MYOM1: variants seen among roughly 807,000 people sequenced by gnomAD.
MYOM1 encodes the protein myomesin 1.
MYOM1 carries 164 observed loss-of-function variants against 205.3 expected under a neutral mutation model. The observed-to-expected ratio is 0.80, with a 90% CI of 0.70 to 0.91. The LOEUF is 0.91. Among genes scored for constraint, MYOM1 ranks in the 40% least tolerant of loss-of-function variants. The pLI is 0.00. For missense variants in MYOM1, 2,011 were observed against 2,127.3 expected (o/e 0.95, Z 1.08); for synonymous variants, 772 against 789.4 (o/e 0.98, Z 0.37).
At chr18:3,122,961 C>G (rs774705887) in intron 19 of MYOM1, among the ~76,000 whole-genome samples, 1 of 152,076 alleles carries the variant, frequency 6.6e-6, no homozygotes, top group African/African-American at 2.4e-5. Flanking sequence ...AGATAACTAT[C>G]AAGCCTAGAA....
At chr18:3,215,957 G>A (rs768215350) in intron 1 of MYOM1, among the ~76,000 whole-genome samples, 1 of 152,232 alleles carries the variant, frequency 6.6e-6, no homozygotes, top group Admixed American at 6.5e-5. Flanking sequence ...TGTGCCTGAC[G>A]CCATCCAGCC....
At chr18:3,124,085 C>T (rs1442236836) in intron 19 of MYOM1, among the ~76,000 whole-genome samples, 1 of 151,428 alleles carries the variant, frequency 6.6e-6, no homozygotes, top group African/African-American at 2.4e-5. Context: ...GATCCCCCCA[C>T]CTCGGCCTCC....
chr18:3,139,889 A>G (rs937438953), intron 14 of MYOM1, among the ~76,000 whole-genome samples: 6 of 152,194 alleles, frequency 3.9e-5, no homozygotes, highest in Admixed American at 2.0e-4. Flanking sequence ...TGACCAGAGG[A>G]AAAGTTCAAC....
chr18:3,085,628 A>G lies in MYOM1; in HGVS notation c.4251+410T>C, dbSNP rs553433314. On this transcript the variant is annotated intron_variant, in intron 30 of 37. Transcript: ENST00000356443. Reference sequence around the variant, plus strand: ...CTTACTTTTTACTCTGCCTTCATTTATTAAAAACTAGTGATCACTAGTTTT... The same window carrying G: ...CTTACTTTTTACTCTGCCTTCATTTGTTAAAAACTAGTGATCACTAGTTTT... Among the ~76,000 whole-genome samples the G allele has an allele frequency of 2.6e-5, 4 of 152,256 alleles. No homozygotes were observed. In the South Asian group the frequency reaches 6.2e-4, roughly 24 times the overall value.
Position 3,188,729 on chromosome 18 carries a change from T to C in MYOM1, c.771+19A>G. On this transcript the variant is annotated intron_variant, in intron 4 of 37. Transcript: ENST00000356443. ...TGCATTTCCACCTTTGTAAGTTACT[T>C]TAAACTGTCTTTTCTTACTGTTTTC... 6.5e-7 allele frequency: 1 copy of C among 1,532,822 alleles called. No individual in the cohort carries two copies. Among genetic ancestry groups the C allele is most frequent in the Non-Finnish European group, 8.8e-7 (1 of 1,137,612 alleles). 95.0% of individuals were successfully genotyped at this position (1,532,822 alleles called of 1,614,324 possible). A position where few individuals can be genotyped will look rare whatever the true frequency, so the allele number is the denominator to read the frequency against.
At chr18:3,101,662 C>T (rs1033140401) in intron 23 of MYOM1, among the ~76,000 whole-genome samples, 1 of 152,120 alleles carries the variant, frequency 6.6e-6, no homozygotes, top group African/African-American at 2.4e-5. Flanking sequence ...ATAACTTGAA[C>T]CAGCGAGTTC....
At chr18:3,115,686 C>G (rs998943951) in intron 21 of MYOM1, among the ~76,000 whole-genome samples, 1 of 152,182 alleles carries the variant, frequency 6.6e-6, no homozygotes, top group African/African-American at 2.4e-5. Context: ...GGAAAATATT[C>G]TTTCGAAATT....
chr18:3,138,510 G>C (rs1032088868), intron 14 of MYOM1, among the ~76,000 whole-genome samples: 2 of 152,126 alleles, frequency 1.3e-5, no homozygotes, highest in African/African-American at 4.8e-5. Context: ...GAGCAAATTT[G>C]ACAAGGTAAC....
At chr18:3,075,583 T>C (rs778202982) in intron 35 of MYOM1, 107 bp from the exon 36 acceptor site, 5 of 1,441,820 alleles carry the variant, frequency 3.5e-6, no homozygotes. Flanking sequence ...ATTTTGCTGT[T>C]CAATATAACA....
chr18:3,067,827 G>A (rs762810934), intron 37 of MYOM1, among the ~76,000 whole-genome samples: 1 of 152,114 alleles, frequency 6.6e-6, no homozygotes, highest in South Asian at 2.1e-4. Context: ...ACACACGAAA[G>A]AGTTTATGTC....
At chr18:3,107,427 A>G (rs531048081) in intron 22 of MYOM1, among the ~76,000 whole-genome samples, 1 of 152,292 alleles carries the variant, frequency 6.6e-6, no homozygotes, top group South Asian at 2.1e-4. Flanking sequence ...AGGTTTAAAA[A>G]TTAAAACTGG....
At position 3,141,994 on chromosome 18, in the gene MYOM1, C is replaced by A; in HGVS notation, c.1970G>T (p.Ser657Ile). ...ACCACGCTGGCCAGGGGGCTTCCAGCTGAGCACCACATAGCTCCGGGTGGC... is the reference window on the plus strand; with the variant it reads ...ACCACGCTGGCCAGGGGGCTTCCAGATGAGCACCACATAGCTCCGGGTGGC... The part of the protein sequence containing the change: ...TEATRSYVVL[S>I]WKPPGQRGHE... Residue 657 changes from serine (S) to isoleucine (I), a missense_variant, in exon 14 of 38, where the codon AGC (serine) becomes ATC (isoleucine). Physicochemically the swap from Ser to Ile is moderately radical, Grantham distance 142. Transcript: ENST00000356443. 6.2e-7 allele frequency: 1 copy of A among 1,613,812 alleles called. No individual in the cohort carries two copies. The highest frequency in any genetic ancestry group is 8.5e-7 in the Non-Finnish European group (1 of 1,179,818).
rs1215807523 is a variant in MYOM1, at chr18:3,188,802, C to T, written c.717G>A (p.Lys239=). The part of the protein sequence containing the change: ...ALQQEETSEK[K]SRKVVIREKA... Reference sequence around the variant, plus strand: ...TTTCTCGAATCACAACTTTCCTTGACTTCTTTTCAGAAGTTTCTTCCTGTT... The same window carrying T: ...TTTCTCGAATCACAACTTTCCTTGATTTCTTTTCAGAAGTTTCTTCCTGTT... The change falls in exon 4 of 38, where the codon AAG becomes AAA. Residue 239 remains lysine (K), a synonymous_variant. Transcript: ENST00000356443. 3 of 1,607,874 alleles carry T rather than the reference C, an allele frequency of 1.9e-6. No homozygotes were observed. The African/African-American group carries it at 4.0e-5, about 22-fold the overall frequency.
intron 6 of MYOM1, among the ~76,000 whole-genome samples, chr18:3,175,820 C>T (rs756360059): frequency 6.6e-6 from 1 of 151,974 alleles, no homozygotes; most frequent in South Asian, 2.1e-4. Context: ...CATCTTTGAC[C>T]GAATCCAAAT....
rs748115403 is a variant in MYOM1, at chr18:3,209,507, A to G, written c.290+5427T>C. ...TCATGGATTCCTTCTTTAACTCAGA[A>G]TATCAACTCCCTTCAATGGCCCACA... On this transcript the variant is annotated intron_variant, in intron 2 of 37. Transcript: ENST00000356443. This position sits in a 1 kb window ranked among gnomAD's most constrained non-coding sequence, Gnocchi z 4.0. 1.1e-4 allele frequency among the ~76,000 whole-genome samples: 16 copies of G among 152,154 alleles called. No individual in the cohort carries two copies. Among genetic ancestry groups the G allele is most frequent in the Non-Finnish European group, 2.2e-4 (15 of 68,030 alleles).
intron 21 of MYOM1, among the ~76,000 whole-genome samples, chr18:3,115,886 C>T (rs963078242): frequency 5.9e-5 from 9 of 152,062 alleles, no homozygotes; most frequent in African/African-American, 1.9e-4. Context: ...GAGGAGGTAA[C>T]GTGAGACAGG....
intron 27 of MYOM1, 151 bp downstream of exon 27, chr18:3,090,507 A>G: frequency 1.9e-6 from 2 of 1,032,990 alleles, no homozygotes; most frequent in Non-Finnish European, 2.8e-6. Flanking sequence ...GGCATGAGCC[A>G]CCGCGCCCAG....
chr18:3,218,498 T>A (rs1005399883), intron 1 of MYOM1, among the ~76,000 whole-genome samples: 1 of 152,142 alleles, frequency 6.6e-6, no homozygotes, highest in Non-Finnish European at 1.5e-5. Flanking sequence ...GGGAAAAAAA[T>A]AGCTACTAGC....
intron 2 of MYOM1, 151 bp downstream of exon 2, chr18:3,214,783 G>A (rs1598777658): frequency 4.9e-6 from 4 of 821,686 alleles, no homozygotes; most frequent in East Asian, 2.7e-5. Flanking sequence ...CCGAGATCAC[G>A]CCATTGCACT....
Sources: gnomAD v4.1 joint callset for allele counts (sites outside exome capture counted in the v4.1 genomes callset) on GRCh38, gnomAD v4.1.1 for gene constraint, Gnocchi (gnomAD v3.1) non-coding constraint, MANE v1.5 for transcripts, NCBI Gene and HGNC (gene_info 2026-07-23, HGNC 2026-07-21) for gene names.